VPS13A: variants seen among roughly 807,000 people sequenced by gnomAD.
The protein encoded by VPS13A is vacuolar protein sorting 13 homolog A, also known as intermembrane lipid transfer protein VPS13A.
Under a neutral mutation model 390.9 loss-of-function variants are expected in VPS13A, and 264 were observed. That is an observed-to-expected ratio of 0.68 (90% CI 0.61 to 0.75). The LOEUF is 0.75. Ranked by LOEUF, VPS13A falls within the 30% of genes least tolerant of loss-of-function variation. The probability of loss-of-function intolerance (pLI) is 0.00; values close to 1 mark genes in which losing one functional copy is unlikely to be tolerated. For missense variants in VPS13A, 3,409 were observed against 3,733.9 expected, an observed-to-expected ratio of 0.91 and a Z score of 2.27; for synonymous variants, 1,231 against 1,227.1, an observed-to-expected ratio of 1.00 and a Z score of -0.07.
At chr9:77,366,952 G>A in intron 61 of VPS13A, 80 bp downstream of exon 61, 2 of 1,461,346 alleles carry the variant, frequency 1.4e-6, no homozygotes, top group Non-Finnish European at 1.9e-6. Context: ...AAATGAAAAA[G>A]TGTGTGAAGT....
Position 77,339,498 on chromosome 9 carries a change from T to TG in VPS13A, c.6379-18_6379-17insG, listed in dbSNP as rs1830704947. 6.6e-7 allele frequency: 1 copy of TG among 1,523,580 alleles called. No individual in the cohort carries two copies. The highest frequency in any genetic ancestry group is 8.8e-7 in the Non-Finnish European group (1 of 1,136,838). 94.4% of individuals were successfully genotyped at this position (1,523,580 alleles called of 1,614,324 possible). The stretch of plus-strand genomic sequence containing the variant: ...CAACATTTTAAATTTTGTTTTGTTT[T>TG]TTTTTTTTTTATTACAGGGAATTGA... On this transcript the variant is annotated splice_polypyrimidine_tract_variant and intron_variant, in intron 47 of 71. Transcript: ENST00000360280.
At chr9:77,230,561 T>C (rs577145620) in intron 17 of VPS13A, among the ~76,000 whole-genome samples, 1 of 152,240 alleles carries the variant, frequency 6.6e-6, no homozygotes, top group African/African-American at 2.4e-5. Flanking sequence ...ATTTCTAGAC[T>C]CTTAATTCTA....
At chr9:77,332,192 G>A (rs1297577719) in intron 46 of VPS13A, 79 bp downstream of exon 46, 2 of 1,129,750 alleles carry the variant, frequency 1.8e-6, no homozygotes, top group African/African-American at 1.5e-5. Context: ...GGATAACTTT[G>A]ATCAAATCCA....
intron 33 of VPS13A, among the ~76,000 whole-genome samples, chr9:77,297,140 C>G (rs532018716): frequency 6.6e-6 from 1 of 150,492 alleles, no homozygotes; most frequent in East Asian, 2.0e-4. Context: ...ATTTATTATT[C>G]TGCTTACTTT....
At chr9:77,208,906 T>C (rs1825821639) in intron 5 of VPS13A, among the ~76,000 whole-genome samples, 1 of 152,212 alleles carries the variant, frequency 6.6e-6, no homozygotes, top group Non-Finnish European at 1.5e-5. Context: ...TAGTTAATGC[T>C]GTTTTCTGAA....
intron 54 of VPS13A, among the ~76,000 whole-genome samples, chr9:77,354,674 T>C: frequency 6.6e-6 from 1 of 152,148 alleles, no homozygotes; most frequent in East Asian, 1.9e-4. Context: ...AGTGGCGCAC[T>C]CTATATCCTA....
intron 23 of VPS13A, among the ~76,000 whole-genome samples, chr9:77,270,170 A>C (rs2131317908): frequency 6.6e-6 from 1 of 152,332 alleles, no homozygotes; most frequent in Admixed American, 6.5e-5. Context: ...AAGTGGCTTT[A>C]GAACTGGGTA....
intron 35 of VPS13A, among the ~76,000 whole-genome samples, chr9:77,313,211 T>G (rs986269724): frequency 6.6e-6 from 1 of 152,122 alleles, no homozygotes; most frequent in African/African-American, 2.4e-5. Context: ...ATTTAAAAAA[T>G]ATACAAAATT....
Position 77,275,662 on chromosome 9 carries a change from A to T in VPS13A, c.2667+10A>T. 3 of 1,611,478 alleles carry T rather than the reference A, an allele frequency of 1.9e-6. No individual in the cohort carries two copies. Among genetic ancestry groups the T allele is most frequent in the Non-Finnish European group, 2.5e-6 (3 of 1,177,928 alleles). On this transcript the variant is annotated intron_variant, in intron 25 of 71. Transcript: ENST00000360280. ...ATTTGAAGTACCAAAGGTAGGTACT[A>T]CGGTAAAATTAACATGGCTTAATTT...
At chr9:77,247,723 C>A (rs1055534042) in intron 20 of VPS13A, among the ~76,000 whole-genome samples, 1 of 152,138 alleles carries the variant, frequency 6.6e-6, no homozygotes, top group South Asian at 2.1e-4. Flanking sequence ...TACAGTACTG[C>A]GACCTTGGCT....
In VPS13A at chr9:77,341,083, GT is replaced by G. The variant is rs538350172; in HGVS notation, c.7026+536del. On this transcript the variant is annotated intron_variant, in intron 50 of 71. Transcript: ENST00000360280. ...AGTTAGGATTAGAGAAGTTTTTGCT[GT>G]TTCTATTCATTATTCCTTTTTGCAT... Among the ~76,000 whole-genome samples, 15 of 152,232 alleles carry G rather than the reference GT, an allele frequency of 9.9e-5. No individual in the cohort carries two copies. The South Asian group carries it at 3.1e-3, about 32-fold the overall frequency.
chr9:77,189,722 TC>T (rs748993252), intron 1 of VPS13A, among the ~76,000 whole-genome samples: 4 of 152,202 alleles, frequency 2.6e-5, no homozygotes, highest in Non-Finnish European at 4.4e-5. Context: ...TTTTGATTCT[TC>T]CTGTCTATGA....
At chr9:77,213,897 A>T (rs1826111523) in intron 9 of VPS13A, among the ~76,000 whole-genome samples, 1 of 152,176 alleles carries the variant, frequency 6.6e-6, no homozygotes, top group South Asian at 2.1e-4. Context: ...GCCATAGCTA[A>T]GTTCTAAGTT....
At chr9:77,210,782 C>T (rs1590003853) in intron 7 of VPS13A, 107 bp downstream of exon 7, 21 of 1,148,192 alleles carry the variant, frequency 1.8e-5, no homozygotes, top group South Asian at 1.6e-4. Context: ...CTATGTAGAA[C>T]GGGTGCACAA....
In VPS13A at chr9:77,374,169, C is replaced by T. The variant is rs1234527449; in HGVS notation, c.9077+3020C>T. Among the ~76,000 whole-genome samples, 7 of 152,180 alleles carry T rather than the reference C, an allele frequency of 4.6e-5. 1 individual carries two copies. In the South Asian group the frequency reaches 1.5e-3, roughly 32 times the overall value. On this transcript the variant is annotated intron_variant, in intron 67 of 71. Transcript: ENST00000360280. The stretch of plus-strand genomic sequence containing the variant: ...TTTTGTTATAAGTTGTTATAGTAGT[C>T]CCTCTTGATCTGCAGGGATCTGCAG...
At chr9:77,348,704 C>T (rs1831300019) in intron 52 of VPS13A, among the ~76,000 whole-genome samples, 2 of 151,996 alleles carry the variant, frequency 1.3e-5, no homozygotes, top group South Asian at 4.2e-4. Context: ...TTGATAGCAC[C>T]TTTACATATG....
chr9:77,372,117 T>C (rs919650544), intron 67 of VPS13A, among the ~76,000 whole-genome samples: 8 of 151,576 alleles, frequency 5.3e-5, no homozygotes, highest in Non-Finnish European at 8.8e-5. Context: ...AACATACGTG[T>C]GCGTGTGTCT....
chr9:77,417,044 T>C lies in VPS13A; in HGVS notation c.*1038T>C, dbSNP rs565548882. On this transcript the variant is annotated 3_prime_UTR_variant, in exon 72 of 72. Coordinates refer to ENST00000360280, the MANE Select transcript of VPS13A (RefSeq NM_033305.3). ...AATTTACAGCTCATCACAGAAATCA[T>C]CAGCTATACATTAGTAAAAATAAGG... is the stretch of plus-strand genomic sequence containing the variant. 3 of 152,368 alleles carry C rather than the reference T, an allele frequency of 2.0e-5. No homozygotes were observed. Among genetic ancestry groups the C allele is most frequent in the Non-Finnish European group, 4.4e-5 (3 of 68,018 alleles). The allele number at this position is 152,368 out of a possible 1,614,324, so 9.4% of individuals were successfully genotyped here.
chr9:77,353,337 C>G, intron 53 of VPS13A, 72 bp from the exon 54 acceptor site: 6 of 1,205,726 alleles, frequency 5.0e-6, no homozygotes, highest in Non-Finnish European at 5.9e-6. Flanking sequence ...AATGTGAAAT[C>G]TAAATTTCAT....
Sources: gnomAD v4.1 joint callset for allele counts (sites outside exome capture counted in the v4.1 genomes callset) on GRCh38, gnomAD v4.1.1 for gene constraint, MANE v1.5 for transcripts, NCBI Gene and HGNC (gene_info 2026-07-23, HGNC 2026-07-21) for gene names.